The following TLL2 variants were observed in gnomAD, a reference collection of about 807,000 sequenced individuals.
TLL2 encodes tolloid-like protein 2.
TLL2 carries 106 observed loss-of-function variants against 123.0 expected under a neutral mutation model. That is an observed-to-expected ratio of 0.86 (90% CI 0.74 to 1.01). TLL2 has a LOEUF of 1.01. Among genes scored for constraint, TLL2 ranks in the 50% least tolerant of loss-of-function variants. The pLI is 0.00. For missense variants in TLL2, 1,332 were observed against 1,336.7 expected (o/e 1.00, Z 0.06); for synonymous variants, 494 against 516.8 (o/e 0.96, Z 0.60).
At chr10:96,460,708 TC>T (rs1847073335) in intron 2 of TLL2, among the ~76,000 whole-genome samples, 1 of 152,212 alleles carries the variant, frequency 6.6e-6, no homozygotes, top group Non-Finnish European at 1.5e-5. Flanking sequence ...CAGCCACACT[TC>T]CTGTACAGCC....
chr10:96,471,351 T>C (rs748987004), intron 2 of TLL2, among the ~76,000 whole-genome samples: 65 of 152,290 alleles, frequency 4.3e-4, no homozygotes, highest in South Asian at 3.3e-3. Flanking sequence ...ATTTCCCATG[T>C]GCTGGTTGGA....
intron 2 of TLL2, among the ~76,000 whole-genome samples, chr10:96,470,020 G>A (rs1017650592): frequency 2.0e-5 from 3 of 152,112 alleles, no homozygotes; most frequent in African/African-American, 7.2e-5. Flanking sequence ...ACCCCCAAAG[G>A]TCTGAGAAAG....
intron 7 of TLL2, among the ~76,000 whole-genome samples, chr10:96,420,116 G>GA (rs151122321): frequency 0.012 from 1,771 of 152,252 alleles, 36 homozygotes; most frequent in African/African-American, 0.04. Context: ...CCTTTTGGGG[G>GA]AAGACTAAAT....
rs776349330 is a variant in TLL2, at chr10:96,410,343, G to T, written c.1164+16C>A. 1.2e-6 allele frequency: 2 copies of T among 1,603,404 alleles called. No homozygotes were observed. The highest frequency in any genetic ancestry group is 8.5e-7 in the Non-Finnish European group (1 of 1,172,114). On this transcript the variant is annotated intron_variant, in intron 9 of 20. Coordinates refer to ENST00000357947, the MANE Select transcript of TLL2 (RefSeq NM_012465.4). Reference sequence around the variant, plus strand: ...AAGGAGTGCCGTCCCATTTGCCAAGGGGGCTTCCCACCTACCTTTTCCCCT... The same window carrying T: ...AAGGAGTGCCGTCCCATTTGCCAAGTGGGCTTCCCACCTACCTTTTCCCCT...
At chr10:96,403,400 C>T (rs1014597352) in intron 10 of TLL2, among the ~76,000 whole-genome samples, 1 of 152,206 alleles carries the variant, frequency 6.6e-6, no homozygotes, top group African/African-American at 2.4e-5. Flanking sequence ...TGTAGCTTTG[C>T]CCCAGACACT....
chr10:96,376,886 C>T (rs1457043026), intron 17 of TLL2, 67 bp from the exon 18 acceptor site: 1 of 1,441,532 alleles, frequency 6.9e-7, no homozygotes, highest in Non-Finnish European at 9.1e-7. Flanking sequence ...AAGAAGGATT[C>T]TAGGGGGGTC....
intron 5 of TLL2, among the ~76,000 whole-genome samples, chr10:96,423,749 T>C (rs1846649425): frequency 1.3e-5 from 2 of 152,234 alleles, no homozygotes; most frequent in South Asian, 4.1e-4. Flanking sequence ...AAATGTTGTC[T>C]GTTTATATAC....
At position 96,484,253 on chromosome 10, in the gene TLL2, GC is replaced by G. The variant is rs57733927; in HGVS notation, c.176-3795del. Among the ~76,000 whole-genome samples the G allele has an allele frequency of 4.3e-3, 651 of 152,272 alleles. 3 individuals are homozygous for G. Among genetic ancestry groups the G allele is most frequent in the Middle Eastern group, 0.017 (5 of 294 alleles). ...GTTTGCCATGTTCTCTTTTCCCAAA[GC>G]CATAAGACAAAGGATATTCCGGAAA... is the stretch of plus-strand genomic sequence containing the variant. On this transcript the variant is annotated intron_variant, in intron 1 of 20. Coordinates refer to ENST00000357947, the MANE Select transcript of TLL2 (RefSeq NM_012465.4).
At chr10:96,487,485 A>G (rs1431343773) in intron 1 of TLL2, among the ~76,000 whole-genome samples, 2 of 152,130 alleles carry the variant, frequency 1.3e-5, no homozygotes, top group South Asian at 4.1e-4. Flanking sequence ...CGGGGGCTAA[A>G]TCATGCTGCT....
intron 2 of TLL2, among the ~76,000 whole-genome samples, chr10:96,446,552 C>T (rs6584074): frequency 0.46 from 69,187 of 151,834 alleles, 16,156 homozygotes; most frequent in East Asian, 0.72. Context: ...GCCTGGAGTC[C>T]GCTTGGTGCA....
chr10:96,448,771 G>C (rs2861581), intron 2 of TLL2, among the ~76,000 whole-genome samples: 2 of 151,776 alleles, frequency 1.3e-5, no homozygotes, highest in African/African-American at 4.8e-5. Context: ...GTGCTTGGCC[G>C]GGGGGAGGTG....
Position 96,378,989 on chromosome 10 carries a change from C to T in TLL2, c.2298G>A (p.Glu766=), listed in dbSNP as rs747338824. ...CRCRNGYWLH[E]NGHDCKEAGC... ...CACCCTCTTTGCAGTCATGCCCATTCTCGTGGAGCCAGTAGCCGTTTCTGC... is the reference window on the plus strand; with the variant it reads ...CACCCTCTTTGCAGTCATGCCCATTTTCGTGGAGCCAGTAGCCGTTTCTGC... The change falls in exon 17 of 21, where the codon GAG becomes GAA. Residue 766 remains glutamate, a synonymous_variant. Transcript: ENST00000357947. 2 of 1,614,224 alleles carry T rather than the reference C, an allele frequency of 1.2e-6. No homozygotes were observed. The highest frequency in any genetic ancestry group is 8.5e-7 in the Non-Finnish European group (1 of 1,180,028).
chr10:96,506,251 C>CAAAAAAAAAAAAAA (rs1210970430), intron 1 of TLL2, among the ~76,000 whole-genome samples: 6 of 36,740 alleles, frequency 1.6e-4, no homozygotes, highest in African/African-American at 6.7e-4. Flanking sequence ...GACCCCATCT[C>CAAAAAAAAAAAAAA]AAAAAAAAAA....
chr10:96,395,365 G>A lies in TLL2; in HGVS notation c.1548C>T (p.Ser516=). The A allele has an allele frequency of 6.3e-7, 1 of 1,596,792 alleles. No homozygotes were observed. Among genetic ancestry groups the A allele is most frequent in the African/African-American group, 1.3e-5 (1 of 74,310 alleles). Reference sequence around the variant, plus strand: ...GGACTTCCAGGTAGTCATATGCACAGCTGTCGTGCCTTTCAATCTAAAGGA... The same window carrying A: ...GGACTTCCAGGTAGTCATATGCACAACTGTCGTGCCTTTCAATCTAAAGGA... ...FQAFEIERHD[S]CAYDYLEVRD... Residue 516 remains serine, a synonymous_variant, in exon 13 of 21, where the codon AGC becomes AGT. Transcript: ENST00000357947.
At chr10:96,410,214 C>G in intron 9 of TLL2, 145 bp downstream of exon 9, 1 of 628,032 alleles carries the variant, frequency 1.6e-6, no homozygotes, top group South Asian at 2.0e-5. Flanking sequence ...AAATAATGAA[C>G]GTACAGCAAA....
chr10:96,483,074 T>C (rs554917538), intron 1 of TLL2, among the ~76,000 whole-genome samples: 15 of 152,280 alleles, frequency 9.9e-5, no homozygotes, highest in Middle Eastern at 3.4e-3. Flanking sequence ...ATGATTAATG[T>C]TGTAGAAAAG....
At chr10:96,500,144 C>CAAAAAAAAAA (rs57153896) in intron 1 of TLL2, among the ~76,000 whole-genome samples, 1 of 120,796 alleles carries the variant, frequency 8.3e-6, no homozygotes. Context: ...AAATCTCTAC[C>CAAAAAAAAAA]AAAAAAAAAA....
At chr10:96,484,274 C>T (rs560585425) in intron 1 of TLL2, among the ~76,000 whole-genome samples, 13 of 152,212 alleles carry the variant, frequency 8.5e-5, no homozygotes, top group Admixed American at 3.9e-4. Context: ...AAGGATATTC[C>T]GGAAACAGCC....
At chr10:96,397,487 T>A (rs1846353204) in intron 10 of TLL2, among the ~76,000 whole-genome samples, 185 bp from the exon 11 acceptor site, 1 of 152,138 alleles carries the variant, frequency 6.6e-6, no homozygotes, top group Non-Finnish European at 1.5e-5. Context: ...CACAATAATG[T>A]GTGACTTAAT....
Sources: gnomAD v4.1 joint callset for allele counts (sites outside exome capture counted in the v4.1 genomes callset) on GRCh38, gnomAD v4.1.1 for gene constraint, MANE v1.5 for transcripts, NCBI Gene and HGNC (gene_info 2026-07-23, HGNC 2026-07-21) for gene names.